The following MYRIP variants were observed in gnomAD, a reference collection of about 807,000 sequenced individuals.
MYRIP encodes myosin VIIA and Rab interacting protein, also known as rab effector MyRIP.
In MYRIP, 49 loss-of-function variants were observed where a neutral mutation model predicts 98.0. The observed-to-expected ratio is 0.50, with a 90% CI of 0.40 to 0.63. The LOEUF (loss-of-function observed/expected upper bound fraction) is 0.63. Ranked by LOEUF, MYRIP falls within the 30% of genes least tolerant of loss-of-function variation. MYRIP has a pLI of 0.00. For synonymous variants in MYRIP, 404 were observed against 409.5 expected, an observed-to-expected ratio of 0.99 and a Z score of 0.16; for missense variants, 1,004 against 1,058.2, an observed-to-expected ratio of 0.95 and a Z score of 0.71.
chr3:40,248,570 C>T (rs1020142071), intron 13 of MYRIP: 2 of 152,172 alleles, frequency 1.3e-5, no homozygotes, highest in Non-Finnish European at 2.9e-5. Context: ...GGACTGAAAC[C>T]TGAAAAATTA....
chr3:40,168,855 G>A (rs1950553416), intron 7 of MYRIP, among the ~76,000 whole-genome samples: 1 of 152,244 alleles, frequency 6.6e-6, no homozygotes, highest in Non-Finnish European at 1.5e-5. Flanking sequence ...TATACTGGGA[G>A]GGTCTGCAGA....
At chr3:40,048,797 T>G (rs1947725806) in intron 3 of MYRIP, among the ~76,000 whole-genome samples, 1 of 152,178 alleles carries the variant, frequency 6.6e-6, no homozygotes, top group African/African-American at 2.4e-5. Context: ...CATCTAAAAT[T>G]TTTAGCTTTG....
chr3:40,169,874 G>T (rs1166223093), intron 7 of MYRIP, 76 bp from the exon 8 acceptor site: 12 of 1,581,714 alleles, frequency 7.6e-6, no homozygotes, highest in Non-Finnish European at 8.6e-6. Context: ...AAATTCCAAA[G>T]ATGGTCCCAG....
At chr3:39,865,460 A>T (rs915927553) in intron 1 of MYRIP, among the ~76,000 whole-genome samples, 1 of 152,180 alleles carries the variant, frequency 6.6e-6, no homozygotes, top group Non-Finnish European at 1.5e-5. Context: ...ATCTATAAGG[A>T]ACTTAAACAA....
At chr3:39,924,753 A>C (rs13072790) in intron 2 of MYRIP, among the ~76,000 whole-genome samples, 13,716 of 152,108 alleles carry the variant, frequency 0.09, 729 homozygotes, top group African/African-American at 0.15. Context: ...AAACTTGTGA[A>C]ATAATAGAGC....
At position 40,250,232 on chromosome 3, in the gene MYRIP, T is replaced by C; in HGVS notation, c.2273T>C (p.Ile758Thr). 1.2e-6 allele frequency: 2 copies of C among 1,612,638 alleles called. No homozygotes were observed. The highest frequency in any genetic ancestry group is 8.5e-7 in the Non-Finnish European group (1 of 1,178,670). The change falls in exon 14 of 17, where the codon ATT becomes ACT. Residue 758 changes from isoleucine to threonine, a missense_variant. By Grantham distance (89) the Ile-to-Thr change is moderately conservative. Transcript: ENST00000302541. ...TTCTGTTGCTTTAAGATTTCAGATA[T>C]TGAGAGCCGGATTTCAGCCCTGACC... is the stretch of plus-strand genomic sequence containing the variant. ...VHHAELQISD[I>T]ESRISALTIA...
intron 3 of MYRIP, among the ~76,000 whole-genome samples, chr3:40,102,759 G>T (rs1415879835): frequency 6.6e-6 from 1 of 151,896 alleles, no homozygotes; most frequent in Admixed American, 6.6e-5. Context: ...TGGTGCTAGG[G>T]GAGGCCTGAT....
intron 3 of MYRIP, among the ~76,000 whole-genome samples, chr3:40,086,630 A>G (rs998788146): frequency 1.3e-5 from 2 of 152,208 alleles, no homozygotes; most frequent in Admixed American, 6.5e-5. Context: ...TGCAGAAAGA[A>G]TACCAACCCT....
intron 3 of MYRIP, among the ~76,000 whole-genome samples, chr3:40,113,505 T>C (rs1469711973): frequency 6.6e-6 from 1 of 152,140 alleles, no homozygotes; most frequent in Non-Finnish European, 1.5e-5. Flanking sequence ...TGAAGTGATG[T>C]CTCAGAGCCA....
chr3:40,234,203 A>G, intron 12 of MYRIP, 150 bp downstream of exon 12: 1 of 835,416 alleles, frequency 1.2e-6, no homozygotes, highest in Non-Finnish European at 1.7e-6. Flanking sequence ...GAAGGACCTT[A>G]GGTTGGATTC....
At chr3:39,860,319 G>C (rs186751374) in intron 1 of MYRIP, among the ~76,000 whole-genome samples, 368 of 152,290 alleles carry the variant, frequency 2.4e-3, no homozygotes, top group African/African-American at 7.2e-3. Context: ...GAGCTGCTTA[G>C]AGAGGTGGTA....
intron 1 of MYRIP, among the ~76,000 whole-genome samples, chr3:39,863,943 AATC>A (rs1942546931): frequency 6.6e-6 from 1 of 152,170 alleles, no homozygotes; most frequent in Non-Finnish European, 1.5e-5. Context: ...TCAAAAAGCT[AATC>A]CATGATTATC....
Position 39,972,466 on chromosome 3 carries a change from T to C in MYRIP, c.110+71540T>C, listed in dbSNP as rs183726867. On this transcript the variant is annotated intron_variant, in intron 2 of 16. Transcript: ENST00000302541. ...ATAATTTTAACGTGGAACTAAACTT[T>C]GTTATGATTCTAAATTTACTTTTAA... 4.6e-4 allele frequency among the ~76,000 whole-genome samples: 70 copies of C among 152,232 alleles called. 1 individual carries two copies. The highest frequency in any genetic ancestry group is 3.4e-3 in the Middle Eastern group (1 of 294).
chr3:40,022,300 G>A (rs116517225), intron 2 of MYRIP, among the ~76,000 whole-genome samples: 2,342 of 152,284 alleles, frequency 0.015, 28 homozygotes, highest in Non-Finnish European at 0.025. Context: ...AATTCAGTGT[G>A]GTATGGGCTA....
intron 3 of MYRIP, chr3:40,071,220 G>A (rs868391938): frequency 9.1e-6 from 9 of 984,046 alleles, no homozygotes; most frequent in Middle Eastern, 1.0e-3. Context: ...CAGGCCCATC[G>A]GGTAAACTAA....
At chr3:39,987,169 C>A (rs13060049) in intron 2 of MYRIP, among the ~76,000 whole-genome samples, 41,843 of 151,944 alleles carry the variant, frequency 0.28, 6,435 homozygotes, top group Non-Finnish European at 0.35. Context: ...CCCTCTACCC[C>A]ACGACTGGCC....
At chr3:40,033,696 T>G (rs1482998646) in intron 2 of MYRIP, among the ~76,000 whole-genome samples, 1 of 152,192 alleles carries the variant, frequency 6.6e-6, no homozygotes, top group Admixed American at 6.5e-5. Context: ...CCAATGACTT[T>G]CTTCACAGAA....
At chr3:40,162,890 C>A in intron 5 of MYRIP, 80 bp downstream of exon 5, 2 of 1,312,800 alleles carry the variant, frequency 1.5e-6, no homozygotes, top group Non-Finnish European at 1.1e-6. Flanking sequence ...TGCCAGGGTC[C>A]CCCAGATGCA....
At chr3:40,188,797 T>C (rs1288180309) in intron 9 of MYRIP, among the ~76,000 whole-genome samples, 1 of 149,850 alleles carries the variant, frequency 6.7e-6, no homozygotes, top group Admixed American at 6.6e-5. Flanking sequence ...AGACAGCTCC[T>C]GTTGGCAACT....
Sources: allele counts gnomAD v4.1 joint callset (sites outside exome capture counted in the v4.1 genomes callset), GRCh38; gene constraint gnomAD v4.1.1; transcripts MANE v1.5; gene names NCBI Gene and HGNC (gene_info 2026-07-23, HGNC 2026-07-21).